The following DYSF variants were observed in gnomAD, a reference collection of about 807,000 sequenced individuals.
DYSF encodes the protein dystrophy-associated fer-1-like 1.
A neutral mutation model predicts 274.9 loss-of-function variants in DYSF; 212 were observed. The observed-to-expected ratio is 0.77, with a 90% CI of 0.69 to 0.86. The LOEUF (loss-of-function observed/expected upper bound fraction) is 0.86. DYSF is among the 40% of genes least tolerant of loss of function. The probability of loss-of-function intolerance (pLI) is 0.00; values close to 1 mark genes in which losing one functional copy is unlikely to be tolerated. For missense variants in DYSF, 2,666 were observed against 2,783.2 expected (o/e 0.96, Z 0.95); for synonymous variants, 1,091 against 1,078.7 (o/e 1.01, Z -0.22).
intron 4 of DYSF, among the ~76,000 whole-genome samples, chr2:71,503,721 T>A (rs1039348799): frequency 2.0e-5 from 3 of 152,080 alleles, no homozygotes; most frequent in Non-Finnish European, 4.4e-5. Flanking sequence ...ACCATCTGGG[T>A]CACAGGGCAT....
At chr2:71,499,950 C>T (rs1342522342) in intron 3 of DYSF, among the ~76,000 whole-genome samples, 2 of 152,180 alleles carry the variant, frequency 1.3e-5, no homozygotes, top group African/African-American at 2.4e-5. Flanking sequence ...CTGGCCCCCT[C>T]CTTGCCTCAT....
chr2:71,604,690 G>A (rs1424206291), intron 36 of DYSF, among the ~76,000 whole-genome samples: 1 of 152,212 alleles, frequency 6.6e-6, no homozygotes, highest in East Asian at 1.9e-4. Flanking sequence ...ATGGTTTAAG[G>A]ATATCCTCTC....
In DYSF at chr2:71,667,485, C is replaced by G. The variant is rs763198861; in HGVS notation, c.5427C>G (p.Leu1809=). ...LVPEHVESRP[L]YSPLQPDIEQ... is the part of the protein sequence containing the mutation. ...CGGAGCACGTGGAGTCACGGCCCCT[C>G]TACAGCCCCCTGCAGCCAGACATCG... Residue 1809 remains leucine (L), a synonymous_variant, in exon 48 of 56, where the codon CTC becomes CTG. Coordinates refer to ENST00000410020, the MANE Select transcript of DYSF (RefSeq NM_001130987.2). 32 of 1,614,028 alleles carry G rather than the reference C, an allele frequency of 2.0e-5. No individual in the cohort carries two copies. The Admixed American group carries it at 5.0e-4, about 25-fold the overall frequency.
chr2:71,562,836 A>G (rs547228285), intron 23 of DYSF, among the ~76,000 whole-genome samples: 1 of 151,940 alleles, frequency 6.6e-6, no homozygotes, highest in South Asian at 2.1e-4. Context: ...CTGTGGACCA[A>G]CTCCTCACAG....
At position 71,553,046 on chromosome 2, in the gene DYSF, G is replaced by A. The variant is rs774829524; in HGVS notation, c.1842G>A (p.Ala614=). 2.0e-5 allele frequency: 32 copies of A among 1,613,998 alleles called. No homozygotes were observed. The highest frequency in any genetic ancestry group is 4.4e-5 in the South Asian group (4 of 91,082). The change falls in exon 20 of 56, where the codon GCG becomes GCA. Residue 614 remains alanine (A), a synonymous_variant. Transcript: ENST00000410020. Reference sequence around the variant, plus strand: ...GGAGGCGCAAGTACTCCCTGTTTGCGGCCTTCTACTCAGCCACCATGCTGC... The same window carrying A: ...GGAGGCGCAAGTACTCCCTGTTTGCAGCCTTCTACTCAGCCACCATGCTGC... ...YLRRRKYSLF[A]AFYSATMLQD... is the part of the protein sequence containing the mutation.
chr2:71,586,518 C>A (rs573184309), intron 30 of DYSF, among the ~76,000 whole-genome samples: 1 of 152,086 alleles, frequency 6.6e-6, no homozygotes, highest in Admixed American at 6.5e-5. Context: ...GGTTCCTCCC[C>A]CTGCAGGACA....
chr2:71,568,547 T>C (rs1263539014), intron 26 of DYSF, among the ~76,000 whole-genome samples: 2 of 151,232 alleles, frequency 1.3e-5, no homozygotes, highest in Non-Finnish European at 1.5e-5. Flanking sequence ...CAGTCCTTTA[T>C]TCTTTTCATT....
chr2:71,617,974 TTGTG>T (rs1167582637), intron 40 of DYSF, among the ~76,000 whole-genome samples: 1 of 30,220 alleles, frequency 3.3e-5, no homozygotes, highest in Non-Finnish European at 6.5e-5. Flanking sequence ...GTAGAGGTGT[TTGTG>T]TGGTAGAGGT....
chr2:71,551,014 CCT>C (rs1395185244), intron 17 of DYSF, 25 bp from the exon 18 acceptor site: 1 of 1,607,076 alleles, frequency 6.2e-7, no homozygotes, highest in Non-Finnish European at 8.5e-7. Context: ...TGGGCCGACC[CCT>C]CTGATTGCCA....
chr2:71,649,169 T>G (rs1231294015), intron 42 of DYSF, among the ~76,000 whole-genome samples: 1 of 146,002 alleles, frequency 6.8e-6, no homozygotes, highest in Non-Finnish European at 1.5e-5. Context: ...GTGAATATGG[T>G]CATATTTTAC....
At chr2:71,502,698 TGC>T (rs2085107177) in intron 3 of DYSF, among the ~76,000 whole-genome samples, 1 of 152,224 alleles carries the variant, frequency 6.6e-6, no homozygotes, top group South Asian at 2.1e-4. Context: ...CTGTTTCCCC[TGC>T]CCCAATATCC....
At chr2:71,672,793 GAGGGAGGCACCTGCAGAAGGGC>G (rs1196592850) in intron 51 of DYSF, among the ~76,000 whole-genome samples, 2 of 152,226 alleles carry the variant, frequency 1.3e-5, no homozygotes, top group Non-Finnish European at 2.9e-5. Context: ...CTCGCCAGAG[GAGGGAGGCACCTGCAGAAGGGC>G]TGGGGCCCGG....
Position 71,570,325 on chromosome 2 carries a change from G to C in DYSF, c.3076G>C (p.Asp1026His). The change falls in exon 28 of 56, where the codon GAT becomes CAT. Residue 1026 changes from aspartate to histidine, a missense_variant. Asp to His is a moderately conservative substitution (Grantham distance 81). Transcript: ENST00000410020. ...EWSTDLNRAV[D>H]EQGWEYSITI... ...GTCCACAGACCTCAACCGGGCTGTC[G>C]ATGAGCAAGGTGGGCAGCATGTGGA... 2 of 1,614,042 alleles carry C rather than the reference G, an allele frequency of 1.2e-6. No homozygotes were observed. Among genetic ancestry groups the C allele is most frequent in the Non-Finnish European group, 1.7e-6 (2 of 1,179,964 alleles).
In DYSF at chr2:71,564,059, C is replaced by T. The variant is rs768226528; in HGVS notation, c.2411C>T (p.Pro804Leu). ...LLRLRALAEE[P>L]QNSLPDIVIW... ...CCCCGACCACCACCCTCTGTTCAGC[C>T]CCAGAACAGCCTGCCGGACATCGTC... Residue 804 changes from proline to leucine, a missense_variant and splice_region_variant, in exon 24 of 56, where the codon CCC becomes CTC. Transcript: ENST00000410020. The T allele has an allele frequency of 4.3e-6, 7 of 1,614,072 alleles. No homozygotes were observed. In the South Asian group the frequency reaches 7.7e-5, roughly 18 times the overall value.
intron 29 of DYSF, 139 bp from the exon 30 acceptor site, chr2:71,574,059 G>T (rs2092615106): frequency 9.1e-7 from 1 of 1,099,816 alleles, no homozygotes; most frequent in Non-Finnish European, 1.3e-6. Flanking sequence ...GGCCCTCCCA[G>T]GTTTTCCCAC....
At chr2:71,490,650 T>A (rs2152695734) in intron 3 of DYSF, among the ~76,000 whole-genome samples, 1 of 152,354 alleles carries the variant, frequency 6.6e-6, no homozygotes, top group East Asian at 1.9e-4. Context: ...TCTGGACTTT[T>A]CCTAAGTTAT....
intron 16 of DYSF, among the ~76,000 whole-genome samples, chr2:71,537,223 G>GT (rs71402990): frequency 0.015 from 1,185 of 79,658 alleles, 27 homozygotes; most frequent in East Asian, 0.11. Flanking sequence ...TTCTAGTTTT[G>GT]TTTTTTTTTT....
At chr2:71,512,208 C>T (rs756868436) in intron 5 of DYSF, among the ~76,000 whole-genome samples, 3 of 152,178 alleles carry the variant, frequency 2.0e-5, no homozygotes, top group Non-Finnish European at 4.4e-5. Context: ...TGAGCCCAGG[C>T]TGGGTGTTCT....
intron 30 of DYSF, among the ~76,000 whole-genome samples, chr2:71,581,779 A>G (rs1224300746): frequency 1.3e-5 from 2 of 152,154 alleles, no homozygotes; most frequent in Admixed American, 1.3e-4. Context: ...CAAAAATAAT[A>G]ACCTCTTCTT....
Sources: allele counts gnomAD v4.1 joint callset (sites outside exome capture counted in the v4.1 genomes callset), GRCh38; gene constraint gnomAD v4.1.1; transcripts MANE v1.5; gene names NCBI Gene and HGNC (gene_info 2026-07-23, HGNC 2026-07-21).